LINGO1: variants seen among roughly 807,000 people sequenced by gnomAD.
LINGO1 encodes leucine-rich repeat and immunoglobulin-like domain-containing nogo receptor-interacting protein 1.
LINGO1 carries 11 observed loss-of-function variants against 37.3 expected under a neutral mutation model. The observed-to-expected ratio is 0.29, with a 90% CI of 0.19 to 0.49. LINGO1 has a LOEUF of 0.49. Among genes scored for constraint, LINGO1 ranks in the 20% least tolerant of loss-of-function variants. The probability of loss-of-function intolerance (pLI) is 0.99; values close to 1 mark genes in which losing one functional copy is unlikely to be tolerated. For synonymous variants in LINGO1, 387 were observed against 403.0 expected (o/e 0.96, Z 0.48); for missense variants, 585 against 878.2 (o/e 0.67, Z 4.22).
chr15:77,797,193 C>T (rs780797320), intron 1 of LINGO1, among the ~76,000 whole-genome samples: 7 of 152,224 alleles, frequency 4.6e-5, no homozygotes, highest in Non-Finnish European at 8.8e-5. Flanking sequence ...CTCCTTCTGG[C>T]CAGGTGGCCC....
At chr15:77,745,802 A>G (rs1326583293) in intron 1 of LINGO1, among the ~76,000 whole-genome samples, 1 of 152,182 alleles carries the variant, frequency 6.6e-6, no homozygotes, top group East Asian at 1.9e-4. Context: ...AAACTTTGCC[A>G]TATTCCGCAT....
chr15:77,738,245 T>C (rs2076221873), intron 1 of LINGO1, among the ~76,000 whole-genome samples: 1 of 152,030 alleles, frequency 6.6e-6, no homozygotes, highest in African/African-American at 2.4e-5. Context: ...CCTCCACCTC[T>C]GGCCCCAAAC....
chr15:77,740,718 T>C (rs60917280), intron 1 of LINGO1, among the ~76,000 whole-genome samples: 56,866 of 151,916 alleles, frequency 0.37, 11,476 homozygotes, highest in Admixed American at 0.52. Flanking sequence ...CACAAAGATT[T>C]GGATAGTAGG....
chr15:77,633,097 C>G (rs973358487), upstream of LINGO1, among the ~76,000 whole-genome samples: 8 of 151,936 alleles, frequency 5.3e-5, no homozygotes, highest in East Asian at 1.4e-3. Context: ...CTGCCCTGCA[C>G]GCTTAGGGCA....
intron 1 of LINGO1, among the ~76,000 whole-genome samples, chr15:77,802,917 G>T (rs755816912): frequency 1.3e-5 from 2 of 152,120 alleles, no homozygotes; most frequent in African/African-American, 4.8e-5. Context: ...CAGACCCCCT[G>T]GGGCCCATCC....
chr15:77,817,503 A>G (rs1439324141), intron 1 of LINGO1, among the ~76,000 whole-genome samples: 1 of 152,176 alleles, frequency 6.6e-6, no homozygotes, highest in Non-Finnish European at 1.5e-5. Flanking sequence ...AGAGCTGTGC[A>G]GAGGATGACA....
intron 1 of LINGO1, among the ~76,000 whole-genome samples, chr15:77,816,550 C>T (rs1284000990): frequency 7.2e-5 from 11 of 152,160 alleles, no homozygotes; most frequent in Admixed American, 5.2e-4. Flanking sequence ...ATAGCAGGGT[C>T]AGGTCTTGCC....
chr15:77,748,909 C>CTTTTTTTTTTTTTTTT (rs67399483), intron 1 of LINGO1, among the ~76,000 whole-genome samples: 4 of 87,792 alleles, frequency 4.6e-5, no homozygotes, highest in Non-Finnish European at 8.7e-5. Flanking sequence ...CCTTCCTTCT[C>CTTTTTTTTTTTTTTTT]TTTTTTTTTT....
chr15:77,699,771 T>TCACCTGCACA (rs1567532365), upstream of LINGO1, among the ~76,000 whole-genome samples: 11 of 89,020 alleles, frequency 1.2e-4, no homozygotes, highest in East Asian at 6.9e-4. Context: ...ATACTAACCA[T>TCACCTGCACA]CATTCCCCCC....
intron 2 of LINGO1, among the ~76,000 whole-genome samples, chr15:77,794,592 T>A (rs8040499): frequency 0.17 from 3,116 of 18,060 alleles, 320 homozygotes; most frequent in East Asian, 0.41. Flanking sequence ...ATATATATAT[T>A]TTTTTTTTTT....
intron 3 of LINGO1, chr15:77,659,962 G>C (rs927510075): frequency 6.6e-6 from 1 of 152,226 alleles, no homozygotes; most frequent in Admixed American, 6.5e-5. Context: ...GCCTGGAATC[G>C]TACCATTATT....
At chr15:77,658,852 G>T (rs1250470026) in intron 3 of LINGO1, among the ~76,000 whole-genome samples, 1 of 152,242 alleles carries the variant, frequency 6.6e-6, no homozygotes, top group African/African-American at 2.4e-5. Flanking sequence ...CGAGGACGGA[G>T]TGGGAGAGGA....
chr15:77,775,131 G>A (rs1448794905), intron 1 of LINGO1, among the ~76,000 whole-genome samples: 1 of 152,182 alleles, frequency 6.6e-6, no homozygotes, highest in Non-Finnish European at 1.5e-5. Flanking sequence ...CGGGGCTAGA[G>A]GGATAGGCCT....
In LINGO1 at chr15:77,745,116, ACT is replaced by A. The variant is rs1236071478; in HGVS notation, c.-256-10065_-256-10064del. Among the ~76,000 whole-genome samples the A allele has an allele frequency of 2.6e-5, 3 of 113,858 alleles. No individual in the cohort carries two copies. The Admixed American group carries it at 3.1e-4, about 12-fold the overall frequency. 74.7% of individuals were successfully genotyped at this position (113,858 alleles called of 152,430 possible). On this transcript the variant is annotated intron_variant, in intron 1 of 3. Transcript: ENST00000561686. The stretch of plus-strand genomic sequence containing the variant: ...ACTCCAGTCTGGGCGAGAGAGCAAG[ACT>A]CTGTCTTAAAAAAAAAAAAAAAAAA...
chr15:77,776,532 G>GGAAGGCA (rs56375581), intron 1 of LINGO1, among the ~76,000 whole-genome samples: 1 of 144,344 alleles, frequency 6.9e-6, no homozygotes, highest in Non-Finnish European at 1.5e-5. Context: ...GAGGAAGGGA[G>GGAAGGCA]GGAGGGAGGG....
chr15:77,744,975 G>C (rs533332372), intron 1 of LINGO1, among the ~76,000 whole-genome samples: 1 of 151,136 alleles, frequency 6.6e-6, no homozygotes, highest in Admixed American at 6.6e-5. Context: ...AAAAATAGCC[G>C]GGCATGGTGG....
chr15:77,664,170 T>TGTGTGCGCGCGCACGC, intron 3 of LINGO1, among the ~76,000 whole-genome samples: 1 of 130,946 alleles, frequency 7.6e-6, no homozygotes, highest in African/African-American at 3.7e-5. Flanking sequence ...TGTGTGTGTG[T>TGTGTGCGCGCGCACGC]GCGCGCGCGC....
At chr15:77,753,264 A>G (rs894316374) in intron 1 of LINGO1, among the ~76,000 whole-genome samples, 3 of 152,158 alleles carry the variant, frequency 2.0e-5, no homozygotes, top group East Asian at 1.9e-4. Context: ...TTGTAATGCA[A>G]TGGGGAGTTC....
At chr15:77,766,374 C>A (rs763579815) in intron 1 of LINGO1, among the ~76,000 whole-genome samples, 3 of 135,352 alleles carry the variant, frequency 2.2e-5, no homozygotes, top group South Asian at 2.4e-4. Context: ...ACAGAAGGAA[C>A]TCAAAAAAAA....
Sources: gnomAD v4.1 joint callset for allele counts (sites outside exome capture counted in the v4.1 genomes callset) on GRCh38, gnomAD v4.1.1 for gene constraint, MANE v1.5 for transcripts, NCBI Gene and HGNC (gene_info 2026-07-23, HGNC 2026-07-21) for gene names.